PTPRM: variants seen among roughly 807,000 people sequenced by gnomAD.
The protein encoded by PTPRM is receptor-type tyrosine-protein phosphatase mu.
A neutral mutation model predicts 186.7 loss-of-function variants in PTPRM; 47 were observed. The ratio of observed to expected loss-of-function variants is 0.25; its 90% CI spans 0.20 to 0.32. The LOEUF is 0.32. PTPRM is among the 10% of genes least tolerant of loss of function. The pLI, the probability that PTPRM is intolerant of heterozygous loss-of-function variation, is 1.00. For missense variants in PTPRM, 1,494 were observed against 1,865.0 expected (o/e 0.80, Z 3.66); for synonymous variants, 668 against 674.9 (o/e 0.99, Z 0.16).
chr18:8,213,433 T>G (rs1310577097), intron 14 of PTPRM, among the ~76,000 whole-genome samples: 2 of 152,222 alleles, frequency 1.3e-5, no homozygotes, highest in Non-Finnish European at 2.9e-5. Context: ...ATACTACTTT[T>G]GAATGGGTGA....
chr18:8,223,637 A>G (rs896157507), intron 14 of PTPRM, among the ~76,000 whole-genome samples: 1 of 152,140 alleles, frequency 6.6e-6, no homozygotes, highest in Non-Finnish European at 1.5e-5. Flanking sequence ...TGAAAAAGAA[A>G]TTTGCACCTG....
intron 21 of PTPRM, among the ~76,000 whole-genome samples, chr18:8,316,636 A>C (rs565050698): frequency 6.6e-6 from 1 of 152,342 alleles, no homozygotes; most frequent in Admixed American, 6.5e-5. Flanking sequence ...AAAACCAAAA[A>C]AACCTCTGAC....
rs182671627 is a variant in PTPRM at position 8,054,117 on chromosome 18, T to C, written c.1133-15569T>C. Among the ~76,000 whole-genome samples, 308 of 151,966 alleles carry C rather than the reference T, an allele frequency of 2.0e-3. 2 individuals are homozygous for C. The highest frequency in any genetic ancestry group is 7.1e-3 in the African/African-American group (293 of 41,454). On this transcript the variant is annotated intron_variant, in intron 7 of 32. Transcript: ENST00000580170. ...TTCTTACACTTTTCATTTCTTACTGTACTGAATGGAACCTCCAGGAAAATG... is the reference window on the plus strand; with the variant it reads ...TTCTTACACTTTTCATTTCTTACTGCACTGAATGGAACCTCCAGGAAAATG...
At chr18:7,632,908 A>G (rs1171371318) in intron 1 of PTPRM, among the ~76,000 whole-genome samples, 2 of 152,238 alleles carry the variant, frequency 1.3e-5, no homozygotes, top group Admixed American at 1.3e-4. Context: ...TAGCAGTAAC[A>G]GTCTTTCATT....
intron 14 of PTPRM, among the ~76,000 whole-genome samples, chr18:8,199,757 T>A (rs2093827871): frequency 6.6e-6 from 1 of 152,204 alleles, no homozygotes; most frequent in Non-Finnish European, 1.5e-5. Flanking sequence ...GAGCAGTGAT[T>A]GATTCATTTT....
chr18:7,659,083 T>C (rs2038919820), intron 1 of PTPRM, among the ~76,000 whole-genome samples: 1 of 151,598 alleles, frequency 6.6e-6, no homozygotes, highest in African/African-American at 2.4e-5. Flanking sequence ...GATGACCATA[T>C]TTAAAATTGC....
rs140324371 is a variant in PTPRM at position 7,949,819 on chromosome 18, AG to A, written c.838+465del. ...TCTGTGTTAACATTCATAATGTTCC[AG>A]TTAGGTTCTATTACTATATTTTGCA... On this transcript the variant is annotated intron_variant, in intron 6 of 32. Transcript: ENST00000580170. Among the ~76,000 whole-genome samples, 752 of 152,282 alleles carry A rather than the reference AG, an allele frequency of 4.9e-3. 12 individuals are homozygous for A. The highest frequency in any genetic ancestry group is 0.017 in the African/African-American group (712 of 41,556).
At chr18:8,341,522 G>T (rs1358867813) in intron 22 of PTPRM, among the ~76,000 whole-genome samples, 18 of 152,154 alleles carry the variant, frequency 1.2e-4, no homozygotes, top group Admixed American at 1.2e-3. Context: ...CCTATGAGAA[G>T]ACCCCTGTTG....
chr18:8,373,564 C>T (rs940155417), intron 24 of PTPRM, among the ~76,000 whole-genome samples: 2 of 152,194 alleles, frequency 1.3e-5, no homozygotes, highest in Admixed American at 6.5e-5. Flanking sequence ...TGAATTCTCG[C>T]TACCCAGGAG....
intron 14 of PTPRM, among the ~76,000 whole-genome samples, chr18:8,205,328 C>G (rs2093913228): frequency 6.6e-6 from 1 of 152,078 alleles, no homozygotes; most frequent in Non-Finnish European, 1.5e-5. Flanking sequence ...GTTCTCCAAA[C>G]AAACATCCCT....
rs397858209 is a variant in PTPRM at position 8,372,782 on chromosome 18, A to AC, written c.3171+1778dup. On this transcript the variant is annotated intron_variant, in intron 24 of 32. Transcript: ENST00000580170. ...CTGTTGGCAAGAGCACTCATGAATA[A>AC]CCGCATTAAAACAGCGATAAAAGAC... Among the ~76,000 whole-genome samples, 470 of 152,066 alleles carry AC rather than the reference A, an allele frequency of 3.1e-3. 1 individual carries two copies. Among genetic ancestry groups the AC allele is most frequent in the Middle Eastern group, 6.8e-3 (2 of 292 alleles).
At chr18:7,947,146 G>C (rs1160625853) in intron 5 of PTPRM, among the ~76,000 whole-genome samples, 1 of 152,190 alleles carries the variant, frequency 6.6e-6, no homozygotes, top group Non-Finnish European at 1.5e-5. Context: ...AATAAAGGTG[G>C]TACTTTGATA....
At chr18:8,188,149 C>G (rs969536955) in intron 14 of PTPRM, among the ~76,000 whole-genome samples, 4 of 152,142 alleles carry the variant, frequency 2.6e-5, no homozygotes, top group African/African-American at 9.7e-5. Flanking sequence ...AGGAAATGTT[C>G]AGTAGTATCT....
intron 1 of PTPRM, among the ~76,000 whole-genome samples, chr18:7,657,654 G>A (rs2038882623): frequency 2.0e-5 from 3 of 152,198 alleles, no homozygotes; most frequent in South Asian, 4.1e-4. Flanking sequence ...AGGGGCATAC[G>A]ATTTTAATTG....
At chr18:7,882,202 G>A (rs186018186) in intron 2 of PTPRM, among the ~76,000 whole-genome samples, 30 of 152,122 alleles carry the variant, frequency 2.0e-4, no homozygotes, top group South Asian at 4.2e-4. Flanking sequence ...TTATTTCATC[G>A]AATAATAACA....
At chr18:7,687,952 A>G (rs2039643921) in intron 1 of PTPRM, among the ~76,000 whole-genome samples, 1 of 151,768 alleles carries the variant, frequency 6.6e-6, no homozygotes, top group African/African-American at 2.4e-5. Context: ...TAATTTTTGT[A>G]TTTTTAGTAG....
chr18:7,754,308 A>G (rs961387406), intron 1 of PTPRM, among the ~76,000 whole-genome samples: 2 of 152,238 alleles, frequency 1.3e-5, no homozygotes, highest in Non-Finnish European at 2.9e-5. Flanking sequence ...CTGTGCAATT[A>G]CCCGACATTT....
chr18:7,840,446 A>G (rs1034420555), intron 2 of PTPRM, among the ~76,000 whole-genome samples: 2 of 152,222 alleles, frequency 1.3e-5, no homozygotes, highest in African/African-American at 4.8e-5. Context: ...ATTTTGAAGC[A>G]CTTGTTTGCT....
At chr18:7,673,539 C>T (rs1478168271) in intron 1 of PTPRM, among the ~76,000 whole-genome samples, 1 of 152,068 alleles carries the variant, frequency 6.6e-6, no homozygotes, top group African/African-American at 2.4e-5. Context: ...ACACAGGAAT[C>T]AACAGACTTG....
Sources: gnomAD v4.1 joint callset for allele counts (sites outside exome capture counted in the v4.1 genomes callset) on GRCh38, gnomAD v4.1.1 for gene constraint, MANE v1.5 for transcripts, NCBI Gene and HGNC (gene_info 2026-07-23, HGNC 2026-07-21) for gene names.